The following SLC5A4 variants were observed in gnomAD, a reference collection of about 807,000 sequenced individuals.
The protein encoded by SLC5A4 is solute carrier family 5 member 4.
In SLC5A4, 55 loss-of-function variants were observed where a neutral mutation model predicts 70.3. The observed-to-expected ratio is 0.78, with a 90% CI of 0.63 to 0.98. The LOEUF (loss-of-function observed/expected upper bound fraction) is 0.98, where lower values mean the gene tolerates loss of function less well. SLC5A4 is among the 50% of genes least tolerant of loss of function. The probability of loss-of-function intolerance (pLI) is 0.00; values close to 1 mark genes in which losing one functional copy is unlikely to be tolerated. For synonymous variants in SLC5A4, 268 were observed against 305.7 expected (o/e 0.88, Z 1.29); for missense variants, 735 against 839.2 (o/e 0.88, Z 1.53).
intron 10 of SLC5A4, among the ~76,000 whole-genome samples, chr22:32,229,843 T>G (rs1925644738): frequency 6.6e-6 from 1 of 152,168 alleles, no homozygotes; most frequent in East Asian, 1.9e-4. Flanking sequence ...AGGGGACAGA[T>G]TAAAGCAAAA....
chr22:32,229,058 G>T, intron 11 of SLC5A4, 136 bp downstream of exon 11: 1 of 721,598 alleles, frequency 1.4e-6, no homozygotes, highest in Non-Finnish European at 2.2e-6. Context: ...ACTTGAATTT[G>T]ATGTACTCCA....
rs1168966131 is a variant in SLC5A4, at chr22:32,218,642, CCTT to C, written c.1849_1851del (p.Lys617del). ...TTCTTGCTCAAGGCTTCCTCCTCCT[CCTT>C]GGTTAGCTTGGGTCCCTTCTGCAAA... On this transcript the variant is annotated inframe_deletion, in exon 15 of 15. Transcript: ENST00000266086. 2 of 1,613,938 alleles carry C rather than the reference CCTT, an allele frequency of 1.2e-6. No individual in the cohort carries two copies. The highest frequency in any genetic ancestry group is 1.7e-6 in the Non-Finnish European group (2 of 1,179,966).
chr22:32,302,997 T>G, the SLC5A4 span, among the ~76,000 whole-genome samples: 1 of 152,114 alleles, frequency 6.6e-6, no homozygotes, highest in African/African-American at 2.4e-5. Context: ...TCAGCAGTGT[T>G]TTCTCTTTTT....
the SLC5A4 span, among the ~76,000 whole-genome samples, chr22:32,292,838 C>T: frequency 4.7e-4 from 72 of 152,192 alleles, no homozygotes; most frequent in South Asian, 1.7e-3. Context: ...TATTTTTCAT[C>T]TGATTGTTTG....
At chr22:32,269,606 C>A in the SLC5A4 span, 1 of 618,662 alleles carries the variant, frequency 1.6e-6, no homozygotes, top group African/African-American at 1.8e-5. The surrounding 1 kb of genome is among the most constrained non-coding windows in gnomAD (Gnocchi z 4.1). Context: ...TTGACTGCAC[C>A]CAGGCTCTGG....
At chr22:32,329,218 A>G in the SLC5A4 span, among the ~76,000 whole-genome samples, 8 of 152,088 alleles carry the variant, frequency 5.3e-5, no homozygotes, top group African/African-American at 1.2e-4. Context: ...CACCTGGCAG[A>G]GAGGACCCCA....
the SLC5A4 span, among the ~76,000 whole-genome samples, chr22:32,345,950 A>G: frequency 6.6e-6 from 1 of 152,226 alleles, no homozygotes; most frequent in African/African-American, 2.4e-5. Context: ...CCTTTTCTCC[A>G]AGAAAAGGCT....
At chr22:32,222,946 C>T (rs1210513034) in intron 13 of SLC5A4, among the ~76,000 whole-genome samples, 2 of 152,006 alleles carry the variant, frequency 1.3e-5, no homozygotes, top group Non-Finnish European at 2.9e-5. Context: ...CCTGAGATGC[C>T]TCTTGTTGAA....
At chr22:32,346,727 G>A in the SLC5A4 span, among the ~76,000 whole-genome samples, 23 of 144,166 alleles carry the variant, frequency 1.6e-4, no homozygotes, top group Non-Finnish European at 3.3e-4. Context: ...AGACTTAAAC[G>A]TTAGACCTAA....
chr22:32,342,623 T>A, the SLC5A4 span, among the ~76,000 whole-genome samples: 1 of 152,216 alleles, frequency 6.6e-6, no homozygotes, highest in East Asian at 1.9e-4. Context: ...TACTTAGAAG[T>A]AATTTACTTC....
chr22:32,303,923 A>AT, the SLC5A4 span, among the ~76,000 whole-genome samples: 1 of 152,172 alleles, frequency 6.6e-6, no homozygotes, highest in African/African-American at 2.4e-5. Context: ...ACAGCAGTGA[A>AT]TGAGAGCTCC....
chr22:32,345,565 A>C, the SLC5A4 span, among the ~76,000 whole-genome samples: 4 of 152,206 alleles, frequency 2.6e-5, no homozygotes, highest in East Asian at 3.8e-4. Flanking sequence ...ACATCTGCTA[A>C]GTAATGAGGG....
At chr22:32,308,040 C>G in the SLC5A4 span, among the ~76,000 whole-genome samples, 2 of 152,310 alleles carry the variant, frequency 1.3e-5, no homozygotes, top group South Asian at 2.1e-4. Flanking sequence ...TTCCCAGTAA[C>G]TGCATCCAGG....
At chr22:32,239,568 AT>A (rs1162571828) in intron 5 of SLC5A4, among the ~76,000 whole-genome samples, 32 of 26,468 alleles carry the variant, frequency 1.2e-3, no homozygotes, top group South Asian at 2.5e-3. Context: ...ATATATATAT[AT>A]TTATATATAT....
At position 32,243,112 on chromosome 22, in the gene SLC5A4, C is replaced by T. The variant is rs563922288; in HGVS notation, c.478-4022G>A. Among the ~76,000 whole-genome samples, 53 of 152,242 alleles carry T rather than the reference C, an allele frequency of 3.5e-4. No individual in the cohort carries two copies. The South Asian group carries it at 8.9e-3, about 26-fold the overall frequency. On this transcript the variant is annotated intron_variant, in intron 5 of 14. Transcript: ENST00000266086. The stretch of plus-strand genomic sequence containing the variant: ...ATTAACATCACCATTGAGGAACAGA[C>T]GGGCATTGAATGCTTCTAGATAGGA...
chr22:32,280,331 C>G, the SLC5A4 span, among the ~76,000 whole-genome samples: 1 of 152,074 alleles, frequency 6.6e-6, no homozygotes, highest in African/African-American at 2.4e-5. Flanking sequence ...AGTTTTTGAT[C>G]CTGGGACTGA....
chr22:32,290,120 T>C, the SLC5A4 span, among the ~76,000 whole-genome samples: 1 of 152,164 alleles, frequency 6.6e-6, no homozygotes, highest in Non-Finnish European at 1.5e-5. Context: ...CTGGGATGCA[T>C]GTACAGAATG....
chr22:32,222,048 CG>C (rs1355632001), intron 13 of SLC5A4, among the ~76,000 whole-genome samples: 1 of 152,184 alleles, frequency 6.6e-6, no homozygotes, highest in Non-Finnish European at 1.5e-5. Flanking sequence ...TGAGCCACTG[CG>C]CCCAGCCTAT....
chr22:32,247,271 G>A, intron 5 of SLC5A4, 140 bp downstream of exon 5: 1 of 630,680 alleles, frequency 1.6e-6, no homozygotes, highest in Non-Finnish European at 2.9e-6. Flanking sequence ...TGAAGAGACA[G>A]TCCTGAGAAT....
Sources: allele counts gnomAD v4.1 joint callset (sites outside exome capture counted in the v4.1 genomes callset), GRCh38; gene constraint gnomAD v4.1.1; non-coding constraint Gnocchi (gnomAD v3.1); transcripts MANE v1.5; gene names NCBI Gene and HGNC (gene_info 2026-07-23, HGNC 2026-07-21).